Variants in CHSY1 observed in about 807,000 individuals in gnomAD.
CHSY1 encodes N-acetylgalactosaminyl-proteoglycan 3-beta-glucuronosyltransferase 1.
CHSY1 carries 13 observed loss-of-function variants against 59.8 expected under a neutral mutation model. The ratio of observed to expected loss-of-function variants is 0.22; its 90% confidence interval spans 0.14 to 0.35. The LOEUF (loss-of-function observed/expected upper bound fraction) is 0.35. Among genes scored for constraint, CHSY1 ranks in the 10% least tolerant of loss-of-function variants. The pLI, the probability that CHSY1 is intolerant of heterozygous loss-of-function variation, is 1.00. For missense variants in CHSY1, 947 were observed against 1,030.6 expected, an observed-to-expected ratio of 0.92 and a Z score of 1.11; for synonymous variants, 459 against 401.2, an observed-to-expected ratio of 1.14 and a Z score of -1.72.
intron 2 of CHSY1, among the ~76,000 whole-genome samples, chr15:101,224,086 G>A (rs1185479392): frequency 1.3e-5 from 2 of 152,260 alleles, no homozygotes; most frequent in East Asian, 3.8e-4. Context: ...TTGTAGCCTA[G>A]GAGCCGCAGG....
chr15:101,177,657 G>A lies in CHSY1; in HGVS notation c.2140C>T (p.Gln714Ter). Residue 714 changes from glutamine (Q) to a stop codon, truncating the protein, a stop_gained, in exon 3 of 3, where the codon CAA becomes TAA. Transcript: ENST00000254190. LOFTEE classifies it high-confidence loss of function. ...VRVGGFDVSI[Q>*]GWGLEDVDLF... ...TCCACATCCTCCAGCCCCCAGCCTTGGATGGAAACATCAAAGCCACCCACT... is the reference window on the plus strand; with the variant it reads ...TCCACATCCTCCAGCCCCCAGCCTTAGATGGAAACATCAAAGCCACCCACT... The A allele has an allele frequency of 6.2e-7, 1 of 1,614,092 alleles. No individual in the cohort carries two copies. Among genetic ancestry groups the A allele is most frequent in the Non-Finnish European group, 8.5e-7 (1 of 1,180,028 alleles).
At chr15:101,218,063 G>A (rs1009482680) in intron 2 of CHSY1, among the ~76,000 whole-genome samples, 2 of 152,106 alleles carry the variant, frequency 1.3e-5, no homozygotes, top group African/African-American at 2.4e-5. Context: ...AATCCATAAC[G>A]CCAATCTAAT....
chr15:101,229,064 C>A (rs1235647038), intron 2 of CHSY1, among the ~76,000 whole-genome samples: 2 of 151,962 alleles, frequency 1.3e-5, no homozygotes, highest in African/African-American at 4.8e-5. Context: ...GATGTTCATC[C>A]CCAAGGCGAC....
intron 2 of CHSY1, among the ~76,000 whole-genome samples, chr15:101,218,610 A>G (rs1010345717): frequency 1.3e-4 from 20 of 152,156 alleles, no homozygotes; most frequent in Admixed American, 6.5e-5. Flanking sequence ...AAACTCTCCT[A>G]AAGTTAAACT....
intron 2 of CHSY1, among the ~76,000 whole-genome samples, chr15:101,214,536 T>C (rs539936006): frequency 6.6e-6 from 1 of 152,364 alleles, no homozygotes; most frequent in African/African-American, 2.4e-5. Context: ...CTTTGGTATA[T>C]GAATGCTGAG....
intron 2 of CHSY1, among the ~76,000 whole-genome samples, chr15:101,197,608 T>G (rs2038522299): frequency 6.6e-6 from 1 of 152,212 alleles, no homozygotes; most frequent in South Asian, 2.1e-4. Context: ...TATATAATGT[T>G]AAATTATAAA....
chr15:101,245,676 T>C (rs2039043304), intron 1 of CHSY1, among the ~76,000 whole-genome samples: 1 of 152,234 alleles, frequency 6.6e-6, no homozygotes, highest in Non-Finnish European at 1.5e-5. Context: ...CAATCCGCTA[T>C]TGACAGCCAC....
In CHSY1 at chr15:101,251,206, C is replaced by A; in HGVS notation, c.251G>T (p.Arg84Met). Residue 84 changes from arginine (R) to methionine (M), a missense_variant, in exon 1 of 3, where the codon AGG becomes ATG. Physicochemically the swap from Arg to Met is moderately conservative, Grantham distance 91. Coordinates refer to ENST00000254190, the MANE Select transcript of CHSY1 (RefSeq NM_014918.5). ...GSDPDGGPRD[R>M]NFLFVGVMTA... ...CATGACTCCCACGAAGAGAAAGTTCCTGTCGCGCGGGCCGCCATCTGGGTC... is the reference window on the plus strand; with the variant it reads ...CATGACTCCCACGAAGAGAAAGTTCATGTCGCGCGGGCCGCCATCTGGGTC... 6.3e-7 allele frequency: 1 copy of A among 1,597,984 alleles called. No homozygotes were observed. The highest frequency in any genetic ancestry group is 8.5e-7 in the Non-Finnish European group (1 of 1,175,944).
chr15:101,199,068 C>T (rs2038541294), intron 2 of CHSY1, among the ~76,000 whole-genome samples: 1 of 152,196 alleles, frequency 6.6e-6, no homozygotes, highest in Non-Finnish European at 1.5e-5. Flanking sequence ...CTGAGCTGCT[C>T]CCTGCTCCCA....
intron 2 of CHSY1, among the ~76,000 whole-genome samples, chr15:101,217,456 A>G (rs1488588153): frequency 6.6e-6 from 1 of 152,226 alleles, no homozygotes; most frequent in Non-Finnish European, 1.5e-5. Context: ...CATACCTAGC[A>G]CCCAAGTCTT....
intron 2 of CHSY1, among the ~76,000 whole-genome samples, chr15:101,187,271 G>A (rs2038382764): frequency 3.3e-5 from 5 of 152,340 alleles, no homozygotes; most frequent in Non-Finnish European, 1.5e-5. Context: ...TTGAGGTCAG[G>A]AGTTCGAGAC....
Position 101,251,218 on chromosome 15 carries a change from C to G in CHSY1, c.239G>C (p.Gly80Ala), listed in dbSNP as rs1470889646. The change falls in exon 1 of 3, where the codon GGC becomes GCC. Residue 80 changes from glycine (G) to alanine (A), a missense_variant. Coordinates refer to ENST00000254190, the MANE Select transcript of CHSY1 (RefSeq NM_014918.5). ...LWPPGSDPDG[G>A]PRDRNFLFVG... ...GAAGAGAAAGTTCCTGTCGCGCGGGCCGCCATCTGGGTCCGAGCCGGGCGG... is the reference window on the plus strand; with the variant it reads ...GAAGAGAAAGTTCCTGTCGCGCGGGGCGCCATCTGGGTCCGAGCCGGGCGG... 4.4e-6 allele frequency: 7 copies of G among 1,592,264 alleles called. No individual in the cohort carries two copies. Among genetic ancestry groups the G allele is most frequent in the Non-Finnish European group, 6.0e-6 (7 of 1,173,694 alleles).
intron 2 of CHSY1, among the ~76,000 whole-genome samples, chr15:101,184,543 T>C (rs2141241864): frequency 6.6e-6 from 1 of 151,988 alleles, no homozygotes; most frequent in Middle Eastern, 3.4e-3. Context: ...AGAGATGGGG[T>C]TTCACCAGGT....
In CHSY1 at chr15:101,178,863, G is replaced by C. The variant is rs1470684370; in HGVS notation, c.934C>G (p.Gln312Glu). The part of the protein sequence containing the change: ...TLHPNKNPPY[Q>E]YRLHSYMLSR... ...AGCATGTAGCTGTGGAGCCTGTACT[G>C]GTAGGGTGGGTTTTTGTTGGGGTGT... is the stretch of plus-strand genomic sequence containing the variant. The change falls in exon 3 of 3, where the codon CAG (glutamine) becomes GAG (glutamate). Residue 312 changes from glutamine to glutamate, a missense_variant. Gln to Glu is a conservative substitution (Grantham distance 29). Coordinates refer to ENST00000254190, the MANE Select transcript of CHSY1 (RefSeq NM_014918.5). 1.9e-6 allele frequency: 3 copies of C among 1,614,190 alleles called. No homozygotes were observed. Among genetic ancestry groups the C allele is most frequent in the Non-Finnish European group, 1.7e-6 (2 of 1,180,026 alleles).
At chr15:101,240,881 T>C (rs2038994177) in intron 1 of CHSY1, among the ~76,000 whole-genome samples, 1 of 152,216 alleles carries the variant, frequency 6.6e-6, no homozygotes, top group Non-Finnish European at 1.5e-5. Context: ...TAAAATACAC[T>C]TCTGTACAAA....
intron 1 of CHSY1, among the ~76,000 whole-genome samples, chr15:101,237,491 AGGGAAG>A (rs1567107191): frequency 7.2e-5 from 11 of 152,302 alleles, no homozygotes; most frequent in African/African-American, 2.6e-4. Flanking sequence ...CCATCAACAG[AGGGAAG>A]ATGAGTGGTC....
intron 2 of CHSY1, among the ~76,000 whole-genome samples, chr15:101,196,245 A>AT (rs1312726711): frequency 6.6e-6 from 1 of 151,748 alleles, no homozygotes; most frequent in East Asian, 1.9e-4. Flanking sequence ...AAAAAAAAAA[A>AT]ACATATATGT....
At chr15:101,234,895 C>G (rs1470340813) in intron 2 of CHSY1, among the ~76,000 whole-genome samples, 187 bp downstream of exon 2, 3 of 151,128 alleles carry the variant, frequency 2.0e-5, no homozygotes, top group African/African-American at 7.4e-5. Context: ...AAGATATGCG[C>G]TCAAAGCCAA....
intron 1 of CHSY1, among the ~76,000 whole-genome samples, chr15:101,250,398 T>G (rs774078103): frequency 6.6e-6 from 1 of 152,230 alleles, no homozygotes; most frequent in Non-Finnish European, 1.5e-5. Context: ...AGAGACTACA[T>G]TGGCTAATCC....
Sources: gnomAD v4.1 joint callset for allele counts (sites outside exome capture counted in the v4.1 genomes callset) on GRCh38, gnomAD v4.1.1 for gene constraint, MANE v1.5 for transcripts, NCBI Gene and HGNC (gene_info 2026-07-23, HGNC 2026-07-21) for gene names.